The following FRMPD4 variants were observed in gnomAD, a reference collection of about 807,000 sequenced individuals.
FRMPD4 encodes FERM and PDZ domain-containing protein 4.
In FRMPD4, 22 loss-of-function variants were observed where a neutral mutation model predicts 94.1. That is an observed-to-expected ratio of 0.23 (90% CI 0.17 to 0.33). FRMPD4 has a LOEUF of 0.33. Among genes scored for constraint, FRMPD4 ranks in the 10% least tolerant of loss-of-function variants. The pLI is 1.00. For missense variants in FRMPD4, 1,111 were observed against 1,339.9 expected (o/e 0.83, Z 2.67); for synonymous variants, 631 against 548.6 (o/e 1.15, Z -2.10).
chrX:12,720,755 C>A lies in FRMPD4; in HGVS notation c.4186C>A (p.Pro1396Thr). ...GAGAGGGGGGAGCCTCAGGACACCTCCCAGCCAGAAGGCTCTGAGACATAG... is the reference window on the plus strand; with the variant it reads ...GAGAGGGGGGAGCCTCAGGACACCTACCAGCCAGAAGGCTCTGAGACATAG... ...DLRGGSLRTP[P>T]SQKALRHSSS... The change falls in exon 17 of 17, where the codon CCC becomes ACC. Residue 1396 changes from proline to threonine, a missense_variant. By Grantham distance (38) the Pro-to-Thr change is conservative. This residue lies in a region of FRMPD4 where 551 missense variants were observed against 591.6 expected (regional missense o/e 0.93). Coordinates refer to ENST00000675598, the MANE Select transcript of FRMPD4 (RefSeq NM_001368397.1). 2 of 1,057,436 alleles carry A rather than the reference C, an allele frequency of 1.9e-6. No individual in the cohort carries two copies. Among genetic ancestry groups the A allele is most frequent in the Non-Finnish European group, 1.2e-6 (1 of 824,013 alleles). The allele number at this position is 1,057,436 out of a possible 1,213,427, so 87.1% of individuals were successfully genotyped here.
intron 1 of FRMPD4, among the ~76,000 whole-genome samples, chrX:12,235,667 A>G (rs1366818560): frequency 2.7e-5 from 3 of 112,272 alleles, no homozygotes; most frequent in Non-Finnish European, 5.6e-5. Context: ...ACAGCATTTT[A>G]TATCCACTAT....
At chrX:12,378,974 G>A (rs2056280118) in intron 1 of FRMPD4, among the ~76,000 whole-genome samples, 1 of 111,727 alleles carries the variant, frequency 9.0e-6, no homozygotes, top group Non-Finnish European at 1.9e-5. Context: ...GTGTTTTGAA[G>A]TAGTGGTTCT....
intron 3 of FRMPD4, among the ~76,000 whole-genome samples, chrX:11,978,297 G>C (rs1227248920): frequency 4.8e-5 from 4 of 83,623 alleles, no homozygotes; most frequent in Non-Finnish European, 8.8e-5. Flanking sequence ...ACTCCAGCCT[G>C]GATGACAGAG....
chrX:11,837,743 A>G (rs910404939), intron 1 of FRMPD4, among the ~76,000 whole-genome samples: 4 of 111,342 alleles, frequency 3.6e-5, no homozygotes, highest in Non-Finnish European at 7.6e-5. Flanking sequence ...TTGCCCCTGG[A>G]TGAGTTTTCT....
chrX:11,857,546 A>C (rs2053660589), intron 1 of FRMPD4, among the ~76,000 whole-genome samples: 1 of 112,875 alleles, frequency 8.9e-6, no homozygotes, highest in African/African-American at 3.2e-5. Context: ...ACTATGTACA[A>C]AAATTAACTT....
intron 1 of FRMPD4, among the ~76,000 whole-genome samples, chrX:12,240,410 A>C (rs149358089): frequency 0.01 from 1,140 of 112,194 alleles, 9 homozygotes; most frequent in African/African-American, 0.034. Flanking sequence ...CAGTCTAGTA[A>C]AGTGATGCAG....
intron 4 of FRMPD4, among the ~76,000 whole-genome samples, chrX:12,634,824 C>CTTTTTTTT (rs780126204): frequency 3.8e-5 from 2 of 52,216 alleles, no homozygotes; most frequent in Non-Finnish European, 6.7e-5. Flanking sequence ...GTCCATCTCT[C>CTTTTTTTT]TTTTTTTTTT....
chrX:12,052,715 A>G (rs919952331), intron 3 of FRMPD4, among the ~76,000 whole-genome samples: 15 of 112,021 alleles, frequency 1.3e-4, no homozygotes, highest in African/African-American at 4.2e-4. Context: ...TCTCAAAAAA[A>G]AAAGTTTGAC....
At chrX:12,447,040 A>C (rs895958927) in intron 1 of FRMPD4, among the ~76,000 whole-genome samples, 2 of 111,278 alleles carry the variant, frequency 1.8e-5, no homozygotes, top group African/African-American at 6.6e-5. Context: ...TTTGCCACCA[A>C]GCCAGTCTGG....
intron 1 of FRMPD4, among the ~76,000 whole-genome samples, chrX:12,262,305 G>T (rs914882825): frequency 6.3e-5 from 7 of 111,197 alleles, no homozygotes; most frequent in African/African-American, 2.3e-4. Context: ...TTTAGAGACA[G>T]AGTCTCACTA....
chrX:12,339,764 A>G (rs749372149), intron 1 of FRMPD4, among the ~76,000 whole-genome samples: 2 of 110,912 alleles, frequency 1.8e-5, no homozygotes, highest in African/African-American at 6.5e-5. Flanking sequence ...CTACAGGCAC[A>G]TGCCACCATG....
intron 1 of FRMPD4, among the ~76,000 whole-genome samples, chrX:12,232,695 T>A (rs1246051920): frequency 1.8e-5 from 2 of 111,954 alleles, no homozygotes; most frequent in Non-Finnish European, 3.8e-5. Context: ...AACTAAATTG[T>A]GCTGTATGTG....
chrX:12,420,803 G>T (rs2056873153), intron 1 of FRMPD4, among the ~76,000 whole-genome samples: 1 of 112,515 alleles, frequency 8.9e-6, no homozygotes, highest in African/African-American at 3.2e-5. Flanking sequence ...CTTCAGAAGG[G>T]CAGCAGCCTT....
At chrX:12,499,402 T>G (rs1447702365) in intron 2 of FRMPD4, among the ~76,000 whole-genome samples, 2 of 112,253 alleles carry the variant, frequency 1.8e-5, no homozygotes, top group African/African-American at 6.5e-5. Context: ...CAGTTTTAGG[T>G]GTACAATTCA....
At chrX:12,350,838 G>A (rs1162240175) in intron 1 of FRMPD4, among the ~76,000 whole-genome samples, 2 of 112,356 alleles carry the variant, frequency 1.8e-5, no homozygotes, top group African/African-American at 6.5e-5. Flanking sequence ...GTAGAGGATG[G>A]CAAGAAATAA....
intron 3 of FRMPD4, among the ~76,000 whole-genome samples, chrX:12,079,315 C>A (rs933171959): frequency 2.7e-5 from 3 of 110,603 alleles, no homozygotes; most frequent in African/African-American, 9.9e-5. Context: ...CCCACACCAA[C>A]AATGTACCTA....
At chrX:12,011,181 G>A (rs1040982110) in intron 3 of FRMPD4, among the ~76,000 whole-genome samples, 2 of 112,128 alleles carry the variant, frequency 1.8e-5, no homozygotes, top group Non-Finnish European at 3.8e-5. Context: ...ATCATTTTAG[G>A]TATTTCTAAG....
chrX:12,562,527 C>T (rs1260178794), intron 2 of FRMPD4, among the ~76,000 whole-genome samples: 2 of 112,338 alleles, frequency 1.8e-5, no homozygotes, highest in Non-Finnish European at 3.8e-5. Flanking sequence ...ATTTTAGCTC[C>T]TTGAGAGGAA....
intron 1 of FRMPD4, among the ~76,000 whole-genome samples, chrX:12,470,862 C>A (rs73436801): frequency 9.0e-6 from 1 of 111,696 alleles, no homozygotes; most frequent in Non-Finnish European, 1.9e-5. Flanking sequence ...ATACTGAAAA[C>A]AAATTCAGAA....
Sources: gnomAD v4.1 joint callset for allele counts (sites outside exome capture counted in the v4.1 genomes callset) on GRCh38, gnomAD v4.1.1 for gene constraint, gnomAD v4.1.1 regional missense constraint, MANE v1.5 for transcripts, NCBI Gene and HGNC (gene_info 2026-07-23, HGNC 2026-07-21) for gene names.